Variants in ADAM22 observed in about 807,000 individuals in gnomAD.
ADAM22 encodes ADAM metallopeptidase domain 22.
In ADAM22, 65 loss-of-function variants were observed where a neutral mutation model predicts 144.6. The observed-to-expected ratio is 0.45, with a 90% CI of 0.37 to 0.55. ADAM22 has a LOEUF of 0.55. ADAM22 is among the 20% of genes least tolerant of loss of function. ADAM22 has a pLI of 0.00. For synonymous variants in ADAM22, 391 were observed against 412.6 expected (o/e 0.95, Z 0.63); for missense variants, 974 against 1,184.9 (o/e 0.82, Z 2.61).
intron 3 of ADAM22, among the ~76,000 whole-genome samples, chr7:87,979,274 G>A (rs1017815448): frequency 2.6e-5 from 4 of 152,154 alleles, no homozygotes; most frequent in African/African-American, 9.7e-5. Context: ...ATTTAAAAAG[G>A]CATGTAAGAG....
At chr7:88,128,082 A>G (rs542359247) in intron 8 of ADAM22, among the ~76,000 whole-genome samples, 1 of 152,080 alleles carries the variant, frequency 6.6e-6, no homozygotes, top group African/African-American at 2.4e-5. Context: ...ACTCACTCCC[A>G]GTTTGGAGAT....
chr7:88,166,928 G>A (rs1327232334), intron 24 of ADAM22, among the ~76,000 whole-genome samples: 1 of 152,168 alleles, frequency 6.6e-6, no homozygotes. Context: ...GGGCAGACAT[G>A]CTAGGTCTTG....
At chr7:87,964,873 T>G (rs1637500) in intron 2 of ADAM22, among the ~76,000 whole-genome samples, 70,218 of 151,994 alleles carry the variant, frequency 0.46, 17,148 homozygotes, top group Non-Finnish European at 0.51. Flanking sequence ...GGCAGATTTA[T>G]GTCATACTGA....
At chr7:87,982,113 A>G (rs1312194596) in intron 3 of ADAM22, among the ~76,000 whole-genome samples, 2 of 148,802 alleles carry the variant, frequency 1.3e-5, no homozygotes, top group Non-Finnish European at 3.0e-5. Flanking sequence ...ACACACATGC[A>G]TACACAAGTT....
chr7:88,024,359 C>G (rs1040359473), intron 3 of ADAM22, among the ~76,000 whole-genome samples: 2 of 152,064 alleles, frequency 1.3e-5, no homozygotes, highest in Admixed American at 1.3e-4. Context: ...TTGTTATTGC[C>G]TAACTTTTGG....
At chr7:87,941,951 C>CT (rs1842558401) in intron 2 of ADAM22, among the ~76,000 whole-genome samples, 1 of 152,080 alleles carries the variant, frequency 6.6e-6, no homozygotes, top group Admixed American at 6.6e-5. Flanking sequence ...AATAGAGTCC[C>CT]TTAGAAGAAC....
chr7:88,068,382 C>T (rs1044780641), intron 3 of ADAM22, among the ~76,000 whole-genome samples: 1 of 152,058 alleles, frequency 6.6e-6, no homozygotes, highest in South Asian at 2.1e-4. Flanking sequence ...AGTTTAAAGA[C>T]CTTATGAAAT....
chr7:87,987,387 C>T (rs1788738876), intron 3 of ADAM22, among the ~76,000 whole-genome samples: 1 of 152,118 alleles, frequency 6.6e-6, no homozygotes, highest in Non-Finnish European at 1.5e-5. Flanking sequence ...CCATGTTGGC[C>T]AGGCTGGTCT....
At position 88,196,373 on chromosome 7, in the gene ADAM22, T is replaced by A. The variant is rs1176613074; in HGVS notation, c.2875-98T>A. ...AAGAGTGTGCATCCACAATCACATA[T>A]ATATGGATGGAATCACTGAATCTTT... On this transcript the variant is annotated intron_variant, in intron 31 of 31. Transcript: ENST00000413139. 5.9e-6 allele frequency: 8 copies of A among 1,359,770 alleles called. No homozygotes were observed. In the East Asian group the frequency reaches 1.8e-4, roughly 31 times the overall value. 84.2% of individuals were successfully genotyped at this position (1,359,770 alleles called of 1,614,324 possible).
At position 88,148,878 on chromosome 7, in the gene ADAM22, A is replaced by G. The variant is rs952504988; in HGVS notation, c.1486-99A>G. The G allele has an allele frequency of 1.1e-5, 10 of 910,900 alleles. No homozygotes were observed. The Admixed American group carries it at 1.3e-4, about 12-fold the overall frequency. 56.4% of individuals were successfully genotyped at this position (910,900 alleles called of 1,614,324 possible). A position where few individuals can be genotyped will look rare whatever the true frequency, so the allele number is the denominator to read the frequency against. On this transcript the variant is annotated intron_variant, in intron 17 of 31. Coordinates refer to ENST00000413139, the MANE Select transcript of ADAM22 (RefSeq NM_001324418.2). ...TTACCATCTTACAGTAGTTTAAGGTATTTCTAGCCAAACAATTTTCATTTT... is the reference window on the plus strand; with the variant it reads ...TTACCATCTTACAGTAGTTTAAGGTGTTTCTAGCCAAACAATTTTCATTTT...
intron 4 of ADAM22, among the ~76,000 whole-genome samples, chr7:88,081,179 G>T (rs1816486900): frequency 6.6e-6 from 1 of 152,040 alleles, no homozygotes; most frequent in Non-Finnish European, 1.5e-5. Context: ...TGCAAGGCTG[G>T]TTCAACATAC....
chr7:87,943,720 G>A (rs1224239107), intron 2 of ADAM22, among the ~76,000 whole-genome samples: 1 of 152,014 alleles, frequency 6.6e-6, no homozygotes, highest in Non-Finnish European at 1.5e-5. Context: ...AAATATCAGC[G>A]GTTCTAACTG....
In ADAM22 at chr7:88,137,577, T is replaced by C. The variant is rs530191040; in HGVS notation, c.1220+1546T>C. On this transcript the variant is annotated intron_variant, in intron 14 of 31. Transcript: ENST00000413139. ...TTATCTGGAATGCCTTTCCCTTTTT[T>C]CTCTATCTAACCAGATTTCTAACCA... Among the ~76,000 whole-genome samples the C allele has an allele frequency of 2.0e-5, 3 of 152,326 alleles. No individual in the cohort carries two copies. In the South Asian group the frequency reaches 6.2e-4, roughly 32 times the overall value.
chr7:88,113,708 A>G (rs192619466), intron 5 of ADAM22, among the ~76,000 whole-genome samples: 1,558 of 93,658 alleles, frequency 0.017, 75 homozygotes, highest in Admixed American at 0.06. Context: ...AAATAAATAT[A>G]TATATATATA....
chr7:88,165,133 T>C (rs1408363684), intron 23 of ADAM22, among the ~76,000 whole-genome samples: 2 of 152,130 alleles, frequency 1.3e-5, no homozygotes, highest in Non-Finnish European at 2.9e-5. Context: ...CTCCTGCTTC[T>C]CTACTCAAGG....
chr7:87,968,906 G>A (rs1849772134), intron 2 of ADAM22, among the ~76,000 whole-genome samples: 1 of 152,150 alleles, frequency 6.6e-6, no homozygotes, highest in Non-Finnish European at 1.5e-5. Flanking sequence ...AGGTGAAGGG[G>A]AAGCTGGCAT....
intron 14 of ADAM22, among the ~76,000 whole-genome samples, chr7:88,138,784 A>G (rs1039494174): frequency 6.6e-5 from 10 of 152,252 alleles, no homozygotes; most frequent in East Asian, 3.8e-4. Flanking sequence ...AAGACTTTAC[A>G]TAGTTAAGAA....
intron 28 of ADAM22, 67 bp from the exon 29 acceptor site, chr7:88,181,891 C>A: frequency 7.1e-7 from 1 of 1,406,924 alleles, no homozygotes; most frequent in Non-Finnish European, 1.0e-6. Flanking sequence ...ACTTGAAATG[C>A]CTCGTAATTA....
intron 16 of ADAM22, 47 bp from the exon 17 acceptor site, chr7:88,145,368 A>G: frequency 9.1e-6 from 14 of 1,546,576 alleles, no homozygotes; most frequent in Non-Finnish European, 1.2e-5. Context: ...TACTTTCAGG[A>G]AAGTGACACC....
Sources: allele counts gnomAD v4.1 joint callset (sites outside exome capture counted in the v4.1 genomes callset), GRCh38; gene constraint gnomAD v4.1.1; transcripts MANE v1.5; gene names NCBI Gene and HGNC (gene_info 2026-07-23, HGNC 2026-07-21).